The following UPP2 variants were observed in gnomAD, a reference collection of about 807,000 sequenced individuals.
The protein encoded by UPP2 is UPase 2.
Under a neutral mutation model 26.7 loss-of-function variants are expected in UPP2, and 23 were observed. The ratio of observed to expected loss-of-function variants is 0.86; its 90% confidence interval spans 0.62 to 1.22. The LOEUF (loss-of-function observed/expected upper bound fraction) is 1.22. UPP2 is among the 50% of genes most tolerant of loss of function. The pLI is 0.00. For synonymous variants in UPP2, 127 were observed against 141.3 expected (o/e 0.90, Z 0.72); for missense variants, 387 against 396.7 (o/e 0.98, Z 0.21).
chr2:158,110,260 T>C (rs1055724147), intron 2 of UPP2, among the ~76,000 whole-genome samples: 1 of 152,270 alleles, frequency 6.6e-6, no homozygotes, highest in Admixed American at 6.5e-5. Flanking sequence ...CGGTGTTTAG[T>C]TTTTTGTCCT....
intron 3 of UPP2, among the ~76,000 whole-genome samples, chr2:158,066,818 G>T (rs953758920): frequency 6.6e-6 from 1 of 152,032 alleles, no homozygotes; most frequent in African/African-American, 2.4e-5. Flanking sequence ...AACTTCACAG[G>T]CAGGGACTGA....
At chr2:158,035,932 C>T (rs1683993385) in intron 3 of UPP2, among the ~76,000 whole-genome samples, 1 of 152,140 alleles carries the variant, frequency 6.6e-6, no homozygotes, top group Non-Finnish European at 1.5e-5. Context: ...GTTAAACATA[C>T]ATTAGTGTTT....
chr2:158,091,942 A>G (rs1489957774), intron 3 of UPP2, among the ~76,000 whole-genome samples: 1 of 152,216 alleles, frequency 6.6e-6, no homozygotes, highest in Non-Finnish European at 1.5e-5. Flanking sequence ...GCATAGTTAT[A>G]TGGAATAGGG....
chr2:158,087,853 T>G (rs569217722), intron 3 of UPP2, among the ~76,000 whole-genome samples: 1 of 152,330 alleles, frequency 6.6e-6, no homozygotes, highest in South Asian at 2.1e-4. Context: ...CTAAGAAACC[T>G]GCTGTTAATC....
chr2:158,032,709 G>A (rs1215672451), intron 3 of UPP2, among the ~76,000 whole-genome samples: 1 of 152,154 alleles, frequency 6.6e-6, no homozygotes, highest in Non-Finnish European at 1.5e-5. Context: ...AGGAGGATTT[G>A]TGAGGATACA....
intron 3 of UPP2, among the ~76,000 whole-genome samples, chr2:158,083,687 C>T (rs184858500): frequency 3.1e-4 from 47 of 151,598 alleles, no homozygotes; most frequent in African/African-American, 8.2e-4. Context: ...GCATGTATCC[C>T]AGAACTTAAA....
At chr2:158,027,894 G>T (rs115648130) in intron 3 of UPP2, among the ~76,000 whole-genome samples, 2 of 152,302 alleles carry the variant, frequency 1.3e-5, no homozygotes, top group African/African-American at 2.4e-5. Flanking sequence ...TAAAGTCATG[G>T]CCTGAGCTCT....
rs141246240 is a variant in UPP2 at position 158,055,298 on chromosome 2, T to G, written c.147+39412T>G. On this transcript the variant is annotated intron_variant, in intron 3 of 9. Transcript: ENST00000605860. ...CCAGTTTCCCTCTCAGGATAACACA[T>G]TAATCCATTAGTCCATGAATGGATT... Among the ~76,000 whole-genome samples, 1,388 of 152,246 alleles carry G rather than the reference T, an allele frequency of 9.1e-3. 11 individuals carry two copies. The highest frequency in any genetic ancestry group is 0.014 in the Non-Finnish European group (974 of 68,016).
chr2:158,049,828 G>A (rs989903449), intron 3 of UPP2, among the ~76,000 whole-genome samples: 2 of 152,156 alleles, frequency 1.3e-5, no homozygotes, highest in Non-Finnish European at 2.9e-5. Context: ...TTTTACACTA[G>A]TTTCTTATGA....
intron 3 of UPP2, among the ~76,000 whole-genome samples, chr2:158,019,639 A>AACACACAC (rs57149695): frequency 2.0e-4 from 28 of 141,094 alleles, no homozygotes; most frequent in Non-Finnish European, 3.9e-4. Context: ...AATCCTTTAA[A>AACACACAC]ACACACACAC....
intron 3 of UPP2, among the ~76,000 whole-genome samples, chr2:158,090,865 G>C (rs999186084): frequency 6.6e-6 from 1 of 152,110 alleles, no homozygotes; most frequent in African/African-American, 2.4e-5. Context: ...CAAGGTGCTG[G>C]GATTCTGCAG....
chr2:158,016,335 T>C (rs1683658751), intron 3 of UPP2, among the ~76,000 whole-genome samples: 1 of 152,144 alleles, frequency 6.6e-6, no homozygotes, highest in East Asian at 1.9e-4. Context: ...AAAATTCTTG[T>C]GAATTAGATG....
intron 4 of UPP2, among the ~76,000 whole-genome samples, chr2:158,120,977 A>G (rs994184982): frequency 2.0e-5 from 3 of 152,102 alleles, no homozygotes; most frequent in Non-Finnish European, 4.4e-5. Context: ...AACAAATGTG[A>G]AAAGAATCAG....
At chr2:158,067,802 A>G (rs1404407970) in intron 3 of UPP2, among the ~76,000 whole-genome samples, 2 of 152,202 alleles carry the variant, frequency 1.3e-5, no homozygotes, top group African/African-American at 4.8e-5. Context: ...TTTGGAATGA[A>G]CTAAAATGTT....
chr2:158,091,335 C>T (rs1381481976), intron 3 of UPP2, among the ~76,000 whole-genome samples: 1 of 152,118 alleles, frequency 6.6e-6, no homozygotes, highest in Non-Finnish European at 1.5e-5. Flanking sequence ...GGAAGATTAG[C>T]ACTTCAAGAA....
At chr2:158,074,845 T>A (rs13418088) in intron 3 of UPP2, among the ~76,000 whole-genome samples, 9,688 of 150,098 alleles carry the variant, frequency 0.065, 578 homozygotes, top group East Asian at 0.15. Context: ...TTTTTTTTTT[T>A]AAAAGACCAA....
At chr2:158,006,277 G>A (rs190633632) in intron 2 of UPP2, among the ~76,000 whole-genome samples, 263 of 152,252 alleles carry the variant, frequency 1.7e-3, no homozygotes, top group African/African-American at 6.0e-3. Flanking sequence ...GGCTAACACG[G>A]TGAAACCCCG....
At chr2:158,027,104 C>T (rs990573255) in intron 3 of UPP2, among the ~76,000 whole-genome samples, 1 of 152,150 alleles carries the variant, frequency 6.6e-6, no homozygotes, top group African/African-American at 2.4e-5. Context: ...CCCGGCTCCT[C>T]CAAATCTCAT....
intron 3 of UPP2, among the ~76,000 whole-genome samples, chr2:158,016,600 A>G (rs1683663862): frequency 1.3e-5 from 2 of 152,044 alleles, no homozygotes; most frequent in African/African-American, 4.8e-5. Context: ...CTCGGCATCT[A>G]AAGTGCTGTA....
Sources: gnomAD v4.1 joint callset for allele counts (sites outside exome capture counted in the v4.1 genomes callset) on GRCh38, gnomAD v4.1.1 for gene constraint, MANE v1.5 for transcripts, NCBI Gene and HGNC (gene_info 2026-07-23, HGNC 2026-07-21) for gene names.